Variants in PLCB4 observed in about 807,000 individuals in gnomAD.
PLCB4 encodes the protein 1-phosphatidylinositol 4,5-bisphosphate phosphodiesterase beta-4.
A neutral mutation model predicts 178.8 loss-of-function variants in PLCB4; 77 were observed. The observed-to-expected ratio is 0.43, with a 90% CI of 0.36 to 0.52. The LOEUF (loss-of-function observed/expected upper bound fraction) is 0.52, where lower values mean the gene tolerates loss of function less well. PLCB4 is among the 20% of genes least tolerant of loss of function. The pLI is 0.00. For missense variants in PLCB4, 1,024 were observed against 1,453.4 expected (o/e 0.70, Z 4.80); for synonymous variants, 496 against 490.8 (o/e 1.01, Z -0.14).
intron 28 of PLCB4, among the ~76,000 whole-genome samples, chr20:9,432,083 C>T (rs1428468743): frequency 6.6e-6 from 1 of 152,118 alleles, no homozygotes; most frequent in African/African-American, 2.4e-5. Context: ...ATCAATGTGA[C>T]ATTTCCCATT....
chr20:9,463,594 A>G (rs1475801241), intron 35 of PLCB4, among the ~76,000 whole-genome samples: 3 of 45,852 alleles, frequency 6.5e-5, no homozygotes, highest in African/African-American at 4.5e-4. Context: ...AATGGAAAGC[A>G]AAAAAAAAAA....
chr20:9,329,239 G>A (rs905131289), intron 4 of PLCB4, among the ~76,000 whole-genome samples: 5 of 152,178 alleles, frequency 3.3e-5, no homozygotes, highest in African/African-American at 9.7e-5. Flanking sequence ...TATGTCTGTA[G>A]CTCGGTTTTT....
intron 39 of PLCB4, 80 bp from the exon 40 acceptor site, chr20:9,478,840 TG>T: frequency 2.1e-6 from 2 of 967,294 alleles, no homozygotes; most frequent in Non-Finnish European, 3.4e-6. Flanking sequence ...ATCATATTTA[TG>T]GGAGAAGAGA....
At chr20:9,368,671 C>G (rs1393370505) in intron 9 of PLCB4, among the ~76,000 whole-genome samples, 1 of 152,210 alleles carries the variant, frequency 6.6e-6, no homozygotes, top group Non-Finnish European at 1.5e-5. Context: ...CTGTAACTTT[C>G]AGAACACGGT....
Position 9,450,466 on chromosome 20 carries a change from A to T in PLCB4, c.2881-2881A>T, listed in dbSNP as rs577647554. ...ACCACACAGGGATGGAGTTTTGAATAAAAAGAGAAACAGAGACAATTTTTC... is the reference window on the plus strand; with the variant it reads ...ACCACACAGGGATGGAGTTTTGAATTAAAAGAGAAACAGAGACAATTTTTC... On this transcript the variant is annotated intron_variant, in intron 32 of 39. Transcript: ENST00000378473. Among the ~76,000 whole-genome samples the T allele has an allele frequency of 1.6e-4, 24 of 152,296 alleles. 1 individual carries two copies. The East Asian group carries it at 4.6e-3, about 29-fold the overall frequency.
intron 28 of PLCB4, among the ~76,000 whole-genome samples, chr20:9,430,089 A>T (rs1373595541): frequency 6.6e-6 from 1 of 152,048 alleles, no homozygotes; most frequent in African/African-American, 2.4e-5. Flanking sequence ...AATAAAATTT[A>T]AAAAATAAAA....
intron 2 of PLCB4, among the ~76,000 whole-genome samples, chr20:9,113,893 C>G (rs1355817999): frequency 6.6e-6 from 1 of 152,060 alleles, no homozygotes; most frequent in African/African-American, 2.4e-5. Flanking sequence ...AGTGCCTAAT[C>G]AAGCTCACAA....
chr20:9,179,867 T>C (rs969054191), intron 2 of PLCB4, among the ~76,000 whole-genome samples: 8 of 152,210 alleles, frequency 5.3e-5, no homozygotes, highest in African/African-American at 1.9e-4. Flanking sequence ...TTGAAAATTC[T>C]AAAATTATTT....
At chr20:9,074,685 A>AAT (rs2089747202) in intron 1 of PLCB4, among the ~76,000 whole-genome samples, 1 of 152,192 alleles carries the variant, frequency 6.6e-6, no homozygotes, top group Admixed American at 6.5e-5. Context: ...AGAGGGACCT[A>AAT]ATATTAACTC....
intron 4 of PLCB4, among the ~76,000 whole-genome samples, chr20:9,326,572 G>A (rs2030612002): frequency 6.6e-6 from 1 of 152,140 alleles, no homozygotes; most frequent in Non-Finnish European, 1.5e-5. Flanking sequence ...CTTGTCATCT[G>A]AGAACGTGCT....
At chr20:9,184,614 A>C (rs60905291) in intron 2 of PLCB4, among the ~76,000 whole-genome samples, 2 of 137,720 alleles carry the variant, frequency 1.5e-5, no homozygotes, top group Non-Finnish European at 1.6e-5. Context: ...AAAAAAAAAA[A>C]AAAAAAACCT....
chr20:9,214,605 T>A, intron 2 of PLCB4, among the ~76,000 whole-genome samples: 1 of 150,782 alleles, frequency 6.6e-6, no homozygotes, highest in African/African-American at 2.5e-5. Context: ...CCTCTGTCTC[T>A]CACACACACA....
At chr20:9,101,785 A>G (rs1310564762) in intron 2 of PLCB4, among the ~76,000 whole-genome samples, 1 of 152,042 alleles carries the variant, frequency 6.6e-6, no homozygotes, top group African/African-American at 2.4e-5. Flanking sequence ...AGATAGGTCT[A>G]AGAGTTAGAG....
intron 7 of PLCB4, among the ~76,000 whole-genome samples, chr20:9,355,333 G>A (rs1233230010): frequency 6.6e-6 from 1 of 151,680 alleles, no homozygotes. Flanking sequence ...TAGGGTACAT[G>A]TGCACAATGT....
At chr20:9,098,789 C>T (rs1220660753) in intron 2 of PLCB4, among the ~76,000 whole-genome samples, 2 of 140,408 alleles carry the variant, frequency 1.4e-5, no homozygotes, top group Non-Finnish European at 3.0e-5. Flanking sequence ...CTATTTAATA[C>T]ATGAGACATC....
chr20:9,313,489 A>G (rs1221728804), intron 4 of PLCB4, among the ~76,000 whole-genome samples: 3 of 152,190 alleles, frequency 2.0e-5, no homozygotes, highest in South Asian at 2.1e-4. Context: ...CCAATCACAA[A>G]CCAAAAATAA....
chr20:9,398,203 CTA>C (rs2038752992), intron 19 of PLCB4, among the ~76,000 whole-genome samples: 1 of 152,104 alleles, frequency 6.6e-6, no homozygotes, highest in African/African-American at 2.4e-5. Flanking sequence ...ATCACTTCCT[CTA>C]TGTTTTATTC....
intron 28 of PLCB4, among the ~76,000 whole-genome samples, chr20:9,429,524 C>CCA (rs1265050155): frequency 2.0e-5 from 3 of 152,158 alleles, no homozygotes; most frequent in Non-Finnish European, 4.4e-5. Context: ...ATTTATTTAA[C>CCA]CACTTCCTCA....
chr20:9,333,825 A>G (rs941518979), intron 4 of PLCB4, among the ~76,000 whole-genome samples: 1 of 152,068 alleles, frequency 6.6e-6, no homozygotes, highest in Admixed American at 6.6e-5. Flanking sequence ...AGATGAGGGA[A>G]AATTAAGGAT....
Sources: gnomAD v4.1 joint callset for allele counts (sites outside exome capture counted in the v4.1 genomes callset) on GRCh38, gnomAD v4.1.1 for gene constraint, MANE v1.5 for transcripts, NCBI Gene and HGNC (gene_info 2026-07-23, HGNC 2026-07-21) for gene names.